Variants in NAPEPLD observed in about 807,000 individuals in gnomAD.
The protein encoded by NAPEPLD is N-acyl-phosphatidylethanolamine-hydrolyzing phospholipase D.
A neutral mutation model predicts 38.1 loss-of-function variants in NAPEPLD; 23 were observed. That is an observed-to-expected ratio of 0.60 (90% CI 0.43 to 0.86). NAPEPLD has a LOEUF of 0.86. NAPEPLD is among the 40% of genes least tolerant of loss of function. NAPEPLD has a pLI of 0.00. For synonymous variants in NAPEPLD, 147 were observed against 162.0 expected (o/e 0.91, Z 0.71); for missense variants, 411 against 476.8 (o/e 0.86, Z 1.28).
chr7:103,139,684 C>T (rs1810814223), intron 1 of NAPEPLD, among the ~76,000 whole-genome samples: 1 of 152,202 alleles, frequency 6.6e-6, no homozygotes, highest in Non-Finnish European at 1.5e-5. Flanking sequence ...GGCAAAGGGG[C>T]AGACATGTTA....
intron 1 of NAPEPLD, among the ~76,000 whole-genome samples, chr7:103,136,708 T>C (rs1810158423): frequency 6.6e-6 from 1 of 152,164 alleles, no homozygotes; most frequent in Non-Finnish European, 1.5e-5. Flanking sequence ...CATATGGCTT[T>C]AAAAGCCTAA....
At chr7:103,127,355 C>A (rs565723414) in intron 2 of NAPEPLD, 11 of 152,266 alleles carry the variant, frequency 7.2e-5, no homozygotes, top group African/African-American at 2.6e-4. Context: ...AAATTCTATA[C>A]CCAAATTATC....
intron 1 of NAPEPLD, among the ~76,000 whole-genome samples, chr7:103,138,398 G>C (rs2129534627): frequency 6.6e-6 from 1 of 152,080 alleles, no homozygotes; most frequent in African/African-American, 2.4e-5. Flanking sequence ...CAGAGAAAGA[G>C]GGAAAAAAGC....
intron 1 of NAPEPLD, among the ~76,000 whole-genome samples, chr7:103,136,399 C>G (rs1810069701): frequency 7.7e-6 from 1 of 129,734 alleles, no homozygotes; most frequent in Admixed American, 8.8e-5. Context: ...TGGCAAAACC[C>G]TGTCTCTACT....
chr7:103,149,164 G>A, upstream of NAPEPLD: 3 of 991,378 alleles, frequency 3.0e-6, no homozygotes, highest in Non-Finnish European at 2.4e-6. Context: ...GCAGGCGGGA[G>A]AAAACCGCCT....
At chr7:103,114,982 G>T in intron 4 of NAPEPLD, 78 bp downstream of exon 4, 1 of 1,111,404 alleles carries the variant, frequency 9.0e-7, no homozygotes, top group South Asian at 1.4e-5. Context: ...TCTTGGGTCT[G>T]AAAACTAAGG....
At chr7:103,142,901 A>T (rs756678954) in intron 1 of NAPEPLD, among the ~76,000 whole-genome samples, 3 of 152,116 alleles carry the variant, frequency 2.0e-5, no homozygotes, top group Non-Finnish European at 4.4e-5. Context: ...AAAAGTCAAC[A>T]GTGGAGATCC....
chr7:103,145,594 T>G (rs144463284), intron 1 of NAPEPLD, among the ~76,000 whole-genome samples: 1 of 152,362 alleles, frequency 6.6e-6, no homozygotes, highest in Non-Finnish European at 1.5e-5. Flanking sequence ...TTAAAGAGAT[T>G]GGACCAGGTA....
intron 4 of NAPEPLD, among the ~76,000 whole-genome samples, chr7:103,109,497 A>G (rs2129527159): frequency 6.6e-6 from 1 of 152,340 alleles, no homozygotes; most frequent in African/African-American, 2.4e-5. Context: ...CTCCTGAATG[A>G]CTATGGGTAA....
chr7:103,141,269 AGCAG>A, intron 1 of NAPEPLD: 1 of 233,348 alleles, frequency 4.3e-6, no homozygotes, highest in Non-Finnish European at 7.7e-6. Flanking sequence ...TTTTTTTGCA[AGCAG>A]ATAAAGGCTT....
At chr7:103,136,587 CAAA>C (rs10708983) in intron 1 of NAPEPLD, among the ~76,000 whole-genome samples, 13 of 96,130 alleles carry the variant, frequency 1.4e-4, no homozygotes, top group Admixed American at 2.2e-4. Context: ...CTCTGTCTCA[CAAA>C]AAAAAAAAAA....
rs201222635 is a variant in NAPEPLD at position 103,119,728 on chromosome 7, T to C, written c.790A>G (p.Lys264Glu). 2 of 1,614,038 alleles carry C rather than the reference T, an allele frequency of 1.2e-6. No individual in the cohort carries two copies. Among genetic ancestry groups the C allele is most frequent in the South Asian group, 1.1e-5 (1 of 91,086 alleles). Residue 264 changes from lysine (K) to glutamate (E), a missense_variant, in exon 3 of 5, where the codon AAG (lysine) becomes GAG (glutamate). Coordinates refer to ENST00000465647, the MANE Select transcript of NAPEPLD (RefSeq NM_001122838.3). ...WCKRTLMDDN[K>E]VLWGSWSVLG... ...ACAGACCAGCTGCCCCATAGCACCT[T>C]GTTGTCATCCATTAGAGTCCTTTTA...
At chr7:103,112,293 C>T (rs1804682001) in intron 4 of NAPEPLD, among the ~76,000 whole-genome samples, 1 of 152,130 alleles carries the variant, frequency 6.6e-6, no homozygotes, top group Admixed American at 6.5e-5. Flanking sequence ...ACTATAAAGA[C>T]TCATGCACAC....
intron 4 of NAPEPLD, among the ~76,000 whole-genome samples, chr7:103,106,089 G>C (rs1394659083): frequency 1.3e-5 from 2 of 152,154 alleles, no homozygotes; most frequent in East Asian, 3.9e-4. Context: ...GCAGCCCACG[G>C]AGGGTGAGCC....
At position 103,128,723 on chromosome 7, in the gene NAPEPLD, T is replaced by C. The variant is rs1808335110; in HGVS notation, c.54A>G (p.Lys18=). The change falls in exon 2 of 5, where the codon AAA becomes AAG. Residue 18 remains lysine, a synonymous_variant. Coordinates refer to ENST00000465647, the MANE Select transcript of NAPEPLD (RefSeq NM_001122838.3). ...QSLMTSSQYP[K]EAVRKRQNSA... is the part of the protein sequence containing the mutation. Reference sequence around the variant, plus strand: ...AATTTTGACGTTTTCTTACTGCTTCTTTAGGATATTGGCTGCTTGTCATCA... The same window carrying C: ...AATTTTGACGTTTTCTTACTGCTTCCTTAGGATATTGGCTGCTTGTCATCA... The C allele has an allele frequency of 6.2e-7, 1 of 1,614,200 alleles. No homozygotes were observed.
At chr7:103,110,241 C>G (rs1463436463) in intron 4 of NAPEPLD, among the ~76,000 whole-genome samples, 1 of 152,102 alleles carries the variant, frequency 6.6e-6, no homozygotes, top group Non-Finnish European at 1.5e-5. Flanking sequence ...CATCCTGATA[C>G]CAAAACCTGG....
chr7:103,142,055 G>C (rs1811515542), intron 1 of NAPEPLD: 1 of 589,736 alleles, frequency 1.7e-6, no homozygotes, highest in East Asian at 2.8e-5. Context: ...ATTTTTAAAA[G>C]TTCTGTGGGT....
chr7:103,106,727 C>CT (rs1554532183), intron 4 of NAPEPLD, among the ~76,000 whole-genome samples: 15 of 57,646 alleles, frequency 2.6e-4, no homozygotes, highest in African/African-American at 5.3e-4. Flanking sequence ...CAGGGCATCT[C>CT]TAAAAAAAAA....
intron 1 of NAPEPLD, among the ~76,000 whole-genome samples, chr7:103,129,809 C>T (rs1808548939): frequency 6.6e-6 from 1 of 152,172 alleles, no homozygotes; most frequent in Admixed American, 6.5e-5. Flanking sequence ...TTACTTCCCT[C>T]CTAGGTTTAT....
Sources: gnomAD v4.1 joint callset for allele counts (sites outside exome capture counted in the v4.1 genomes callset) on GRCh38, gnomAD v4.1.1 for gene constraint, MANE v1.5 for transcripts, NCBI Gene and HGNC (gene_info 2026-07-23, HGNC 2026-07-21) for gene names.